The following SNX29 variants were observed in gnomAD, a reference collection of about 807,000 sequenced individuals.
The protein encoded by SNX29 is sorting nexin 29, also known as sorting nexin-29.
In SNX29, 78 loss-of-function variants were observed where a neutral mutation model predicts 102.1. The ratio of observed to expected loss-of-function variants is 0.76; its 90% CI spans 0.64 to 0.92. The LOEUF (loss-of-function observed/expected upper bound fraction) is 0.92, where lower values mean the gene tolerates loss of function less well. Among genes scored for constraint, SNX29 ranks in the 40% least tolerant of loss-of-function variants. The pLI is 0.00. For synonymous variants in SNX29, 580 were observed against 414.5 expected (o/e 1.40, Z -4.85); for missense variants, 1,280 against 1,061.7 (o/e 1.21, Z -2.86).
chr16:12,259,439 G>T (rs767695794), intron 14 of SNX29, among the ~76,000 whole-genome samples: 4 of 152,072 alleles, frequency 2.6e-5, no homozygotes, highest in Admixed American at 6.6e-5. Context: ...CCCTAGTTCT[G>T]CTGGGTGAGG....
chr16:12,056,726 A>G (rs767699149), intron 8 of SNX29, among the ~76,000 whole-genome samples: 1 of 151,988 alleles, frequency 6.6e-6, no homozygotes, highest in African/African-American at 2.4e-5. Flanking sequence ...TGTATTTATC[A>G]TAAGTATTAG....
intron 19 of SNX29, among the ~76,000 whole-genome samples, chr16:12,483,648 G>C (rs2088084059): frequency 6.6e-6 from 1 of 152,164 alleles, no homozygotes; most frequent in Non-Finnish European, 1.5e-5. Context: ...TGTGGGGTTT[G>C]TTTAGGCCAA....
intron 14 of SNX29, among the ~76,000 whole-genome samples, chr16:12,240,109 G>A (rs894708567): frequency 1.3e-5 from 2 of 152,202 alleles, no homozygotes; most frequent in Non-Finnish European, 2.9e-5. Context: ...CTTAACGGCC[G>A]CATGATGTCT....
chr16:12,011,618 A>T (rs917264803), intron 3 of SNX29, among the ~76,000 whole-genome samples: 2 of 152,020 alleles, frequency 1.3e-5, no homozygotes, highest in East Asian at 3.8e-4. Context: ...TATTTGTCTT[A>T]CTTATATTGA....
chr16:12,266,684 T>C (rs1215572865), intron 14 of SNX29, among the ~76,000 whole-genome samples: 2 of 13,922 alleles, frequency 1.4e-4, no homozygotes, highest in Admixed American at 1.9e-3. Flanking sequence ...CCATCTATTA[T>C]TGAAAAAAAA....
chr16:11,991,607 A>G (rs879692033), intron 1 of SNX29, among the ~76,000 whole-genome samples: 3 of 150,948 alleles, frequency 2.0e-5, no homozygotes, highest in Non-Finnish European at 4.4e-5. Flanking sequence ...CAGCGGTGTG[A>G]TCTCGGCTCA....
At chr16:12,535,536 T>C (rs2077051220) in intron 20 of SNX29, among the ~76,000 whole-genome samples, 1 of 152,192 alleles carries the variant, frequency 6.6e-6, no homozygotes, top group Non-Finnish European at 1.5e-5. Context: ...CAAGCCATAG[T>C]CTCACAGCTG....
chr16:12,557,624 A>G (rs1336699065), intron 20 of SNX29: 1 of 152,186 alleles, frequency 6.6e-6, no homozygotes, highest in Non-Finnish European at 1.5e-5. Flanking sequence ...GGCATCCCAG[A>G]ATGCTGGGAT....
chr16:12,289,557 C>G (rs554373599), intron 15 of SNX29, among the ~76,000 whole-genome samples: 1 of 152,300 alleles, frequency 6.6e-6, no homozygotes, highest in South Asian at 2.1e-4. Context: ...CCCATGTGTT[C>G]TGTTTCGCTT....
rs746892229 is a variant in SNX29, at chr16:12,570,145, A to T, written c.*1516A>T. ...ATGGCCTTTAAGGAAGGCTGAGATC[A>T]CTCACACACAGCGCCCCCCCACCCC... On this transcript the variant is annotated 3_prime_UTR_variant, in exon 21 of 21. Coordinates refer to ENST00000566228, the MANE Select transcript of SNX29 (RefSeq NM_032167.5). The T allele has an allele frequency of 3.4e-4, 365 of 1,061,678 alleles. No individual in the cohort carries two copies. Among genetic ancestry groups the T allele is most frequent in the South Asian group, 5.5e-4 (12 of 21,960 alleles). 65.8% of individuals were successfully genotyped at this position (1,061,678 alleles called of 1,614,324 possible).
intron 11 of SNX29, among the ~76,000 whole-genome samples, chr16:12,094,770 C>T (rs565824491): frequency 1.3e-5 from 2 of 152,220 alleles, no homozygotes; most frequent in South Asian, 4.2e-4. Context: ...CCCAACACAG[C>T]ATTATCTAGT....
chr16:12,549,449 T>G (rs1026271470), intron 20 of SNX29, among the ~76,000 whole-genome samples: 4 of 152,074 alleles, frequency 2.6e-5, no homozygotes, highest in African/African-American at 4.8e-5. Context: ...GACCTAAGAT[T>G]GCACCATTGA....
rs560647574 is a variant in SNX29, at chr16:12,266,734, T to C, written c.1679-11199T>C. Among the ~76,000 whole-genome samples the C allele has an allele frequency of 3.3e-5, 5 of 150,872 alleles. 1 individual carries two copies. The South Asian group carries it at 1.1e-3, about 32-fold the overall frequency. ...CCCACTCAGACAACGTGGTTCTTGG[T>C]CTTGTTCTTGAGGGATGCAGTCAAG... On this transcript the variant is annotated intron_variant, in intron 14 of 20. Coordinates refer to ENST00000566228, the MANE Select transcript of SNX29 (RefSeq NM_032167.5).
intron 1 of SNX29, among the ~76,000 whole-genome samples, chr16:11,981,089 T>G (rs1041815200): frequency 1.1e-4 from 16 of 151,930 alleles, no homozygotes; most frequent in Non-Finnish European, 1.5e-5. Flanking sequence ...TGCCTCAGCC[T>G]CTGGAGTAGC....
At chr16:12,567,789 CCACAT>C (rs772292572) in intron 20 of SNX29, among the ~76,000 whole-genome samples, 15 of 152,116 alleles carry the variant, frequency 9.9e-5, no homozygotes, top group Non-Finnish European at 2.1e-4. Flanking sequence ...AAAAATGCAA[CCACAT>C]CACAGGACTT....
Position 12,467,446 on chromosome 16 carries a change from A to G in SNX29, c.2038-10273A>G, listed in dbSNP as rs2087106866. ...GCAGCCCCCGGTTATTGTATTTGAC[A>G]TGTATCCATCAGGCACATGCACAGA... is the stretch of plus-strand genomic sequence containing the variant. On this transcript the variant is annotated intron_variant, in intron 18 of 20. Transcript: ENST00000566228. 2.6e-5 allele frequency among the ~76,000 whole-genome samples: 4 copies of G among 152,146 alleles called. No homozygotes were observed. In the South Asian group the frequency reaches 8.3e-4, roughly 32 times the overall value.
rs972404694 is a variant in SNX29 at position 12,062,966 on chromosome 16, C to T, written c.1243+1320C>T. ...CCTGGCTGTTAAATGAGGCTGAGTG[C>T]TTCCTGTCTGTCAGTTGCTGTGTCC... On this transcript the variant is annotated intron_variant, in intron 9 of 20. Coordinates refer to ENST00000566228, the MANE Select transcript of SNX29 (RefSeq NM_032167.5). 3.9e-5 allele frequency among the ~76,000 whole-genome samples: 6 copies of T among 152,310 alleles called. No homozygotes were observed. In the South Asian group the frequency reaches 1.0e-3, roughly 26 times the overall value.
At chr16:12,229,789 G>C in intron 14 of SNX29, among the ~76,000 whole-genome samples, 1 of 152,164 alleles carries the variant, frequency 6.6e-6, no homozygotes, top group Non-Finnish European at 1.5e-5. Context: ...GGTTACCTCT[G>C]CAGTCCGACC....
rs1173541658 is a variant in SNX29, at chr16:12,467,434, A to G, written c.2038-10285A>G. 2.0e-5 allele frequency among the ~76,000 whole-genome samples: 3 copies of G among 152,140 alleles called. No individual in the cohort carries two copies. In the East Asian group the frequency reaches 5.8e-4, roughly 29 times the overall value. ...CCCATGCTCTGAGCAGCCCCCGGTTATTGTATTTGACATGTATCCATCAGG... is the reference window on the plus strand; with the variant it reads ...CCCATGCTCTGAGCAGCCCCCGGTTGTTGTATTTGACATGTATCCATCAGG... On this transcript the variant is annotated intron_variant, in intron 18 of 20. Coordinates refer to ENST00000566228, the MANE Select transcript of SNX29 (RefSeq NM_032167.5).
Sources: gnomAD v4.1 joint callset for allele counts (sites outside exome capture counted in the v4.1 genomes callset) on GRCh38, gnomAD v4.1.1 for gene constraint, MANE v1.5 for transcripts, NCBI Gene and HGNC (gene_info 2026-07-23, HGNC 2026-07-21) for gene names.